Variants in FAM187B observed in about 807,000 individuals in gnomAD.
FAM187B encodes protein FAM187B.
A neutral mutation model predicts 22.6 loss-of-function variants in FAM187B; 22 were observed. The ratio of observed to expected loss-of-function variants is 0.97; its 90% CI spans 0.70 to 1.39. The LOEUF is 1.39. FAM187B is among the 40% of genes most tolerant of loss of function. The pLI, the probability that FAM187B is intolerant of heterozygous loss-of-function variation, is 0.00. For missense variants in FAM187B, 433 were observed against 462.1 expected (o/e 0.94, Z 0.58); for synonymous variants, 192 against 201.8 (o/e 0.95, Z 0.41).
At chr19:35,227,031 G>A (rs770723095) in intron 1 of FAM187B, among the ~76,000 whole-genome samples, 4 of 152,102 alleles carry the variant, frequency 2.6e-5, no homozygotes, top group Admixed American at 6.6e-5. Context: ...TGATGGAGGC[G>A]GGCATTGGAG....
Position 35,228,375 on chromosome 19 carries a change from T to C in FAM187B, c.306A>G (p.Gln102=), listed in dbSNP as rs1263432887. The C allele has an allele frequency of 6.2e-7, 1 of 1,614,104 alleles. No homozygotes were observed. Among genetic ancestry groups the C allele is most frequent in the Admixed American group, 1.7e-5 (1 of 60,008 alleles). The part of the protein sequence containing the change: ...LYHCWNKNGR[Q]VVQYEIDFQD... ...GAAAGTCAATTTCATACTGCACCAC[T>C]TGGCGGCCATTCTTGTTCCAGCAGT... Residue 102 remains glutamine, a synonymous_variant, in exon 1 of 2, where the codon CAA becomes CAG. Transcript: ENST00000324675.
At position 35,228,218 on chromosome 19, in the gene FAM187B, C is replaced by T; in HGVS notation, c.463G>A (p.Glu155Lys). ...AGGCGTTTACACTCGCCCGGCTCCT[C>T]ACAGCGGTTGCAGTCCTGCCAGGGC... ...WEPWQDCNRC[E>K]EPGECKRLGY... The change falls in exon 1 of 2, where the codon GAG becomes AAG. Residue 155 changes from glutamate to lysine, a missense_variant. By Grantham distance (56) the Glu-to-Lys change is moderately conservative. Transcript: ENST00000324675. 1 of 1,614,224 alleles carries T rather than the reference C, an allele frequency of 6.2e-7. No homozygotes were observed. The highest frequency in any genetic ancestry group is 1.1e-5 in the South Asian group (1 of 91,088).
At chr19:35,227,918 G>T in intron 1 of FAM187B, 41 bp downstream of exon 1, 1 of 1,563,914 alleles carries the variant, frequency 6.4e-7, no homozygotes. Context: ...TCCCCTGACC[G>T]GAAGAATCTG....
At chr19:35,225,685 C>T (rs1039687794) in intron 1 of FAM187B, among the ~76,000 whole-genome samples, 14 of 151,954 alleles carry the variant, frequency 9.2e-5, no homozygotes, top group African/African-American at 3.4e-4. Flanking sequence ...TGCTGACATG[C>T]GCCTGTGGTC....
rs774839114 is a variant in FAM187B at position 35,225,208 on chromosome 19, C to T, written c.727G>A (p.Val243Ile). 4.0e-6 allele frequency: 6 copies of T among 1,492,480 alleles called. No individual in the cohort carries two copies. Among genetic ancestry groups the T allele is most frequent in the Non-Finnish European group, 3.6e-6 (4 of 1,119,902 alleles). 92.5% of individuals were successfully genotyped at this position (1,492,480 alleles called of 1,614,324 possible). A position where few individuals can be genotyped will look rare whatever the true frequency, so the allele number is the denominator to read the frequency against. Residue 243 changes from valine (V) to isoleucine (I), a missense_variant, in exon 2 of 2, where the codon GTC becomes ATC. Transcript: ENST00000324675. ...DCPLGSMYRP[V>I]NWRANDTPLT... The stretch of plus-strand genomic sequence containing the variant: ...GGGGTGTCGTTGGCACGCCAGTTGA[C>T]GGGCCTGCGAGGAGGACAAGGTCAG...
chr19:35,227,966 T>C lies in FAM187B; in HGVS notation c.715A>G (p.Met239Val). 6.2e-7 allele frequency: 1 copy of C among 1,607,760 alleles called. No homozygotes were observed. Among genetic ancestry groups the C allele is most frequent in the South Asian group, 1.1e-5 (1 of 89,976 alleles). ...FVWLDCPLGS[M>V]YRPVNWRAND... The stretch of plus-strand genomic sequence containing the variant: ...AGGCAGGGATTCCATCACCTGTACA[T>C]GGATCCTAAGGGACAGTCGAGCCAC... Residue 239 changes from methionine (M) to valine (V), a missense_variant, in exon 1 of 2, where the codon ATG becomes GTG. Met to Val is a conservative substitution (Grantham distance 21, BLOSUM62 1). Transcript: ENST00000324675.
chr19:35,228,730 G>A lies in FAM187B; in HGVS notation c.-50C>T, dbSNP rs548209289. On this transcript the variant is annotated 5_prime_UTR_variant, in exon 1 of 2. Transcript: ENST00000324675. ...GCTGGTGCCACCCCGAACATTGTGAGGTCACCCATGAACTCTGGCCTCAGC... is the reference window on the plus strand; with the variant it reads ...GCTGGTGCCACCCCGAACATTGTGAAGTCACCCATGAACTCTGGCCTCAGC... 113 of 1,552,522 alleles carry A rather than the reference G, an allele frequency of 7.3e-5. 2 individuals are homozygous for A. In the East Asian group the frequency reaches 2.5e-3, roughly 35 times the overall value.
At chr19:35,227,910 C>T in intron 1 of FAM187B, 49 bp downstream of exon 1, 1 of 1,559,828 alleles carries the variant, frequency 6.4e-7, no homozygotes, top group Non-Finnish European at 8.7e-7. Flanking sequence ...AGGAAGGATC[C>T]CCTGACCGGA....
At chr19:35,225,235 T>G in intron 1 of FAM187B, 23 bp from the exon 2 acceptor site, 1 of 1,463,568 alleles carries the variant, frequency 6.8e-7, no homozygotes, top group Non-Finnish European at 9.0e-7. Context: ...CAAGGTCAGG[T>G]GCAGGGCCAG....
chr19:35,225,314 C>T, intron 1 of FAM187B, 102 bp from the exon 2 acceptor site: 1 of 1,362,118 alleles, frequency 7.3e-7, no homozygotes, highest in South Asian at 1.6e-5. Context: ...CCCTCCTCGC[C>T]ACCCCCCACG....
intron 1 of FAM187B, among the ~76,000 whole-genome samples, chr19:35,226,459 T>A (rs2065661919): frequency 6.6e-6 from 1 of 152,066 alleles, no homozygotes; most frequent in African/African-American, 2.4e-5. Context: ...CAAGACCCTG[T>A]CTCTAATAAT....
Position 35,224,967 on chromosome 19 carries a change from AG to A in FAM187B, c.967del (p.Leu323CysfsTer12), listed in dbSNP as rs765712929. 4 of 1,613,618 alleles carry A rather than the reference AG, an allele frequency of 2.5e-6. No homozygotes were observed. The African/African-American group carries it at 5.3e-5, about 22-fold the overall frequency. ...GAGCACGGAGTCCGCCCTGCCCCGC[AG>A]GGCCTTCCTTGCCTCCCGCCACTGG... ...DAQWREARKA[L>X]RGRADSVLKG... On this transcript the variant is annotated frameshift_variant, in exon 2 of 2. Coordinates refer to ENST00000324675, the MANE Select transcript of FAM187B (RefSeq NM_152481.2). LOFTEE classifies it low-confidence loss of function (END_TRUNC).
At chr19:35,226,506 G>A (rs948295832) in intron 1 of FAM187B, among the ~76,000 whole-genome samples, 3 of 152,224 alleles carry the variant, frequency 2.0e-5, no homozygotes, top group East Asian at 1.9e-4. Flanking sequence ...ATATTTATGC[G>A]CCACAAGGGC....
intron 1 of FAM187B, among the ~76,000 whole-genome samples, chr19:35,227,651 G>A (rs912820620): frequency 6.6e-6 from 1 of 152,170 alleles, no homozygotes; most frequent in Admixed American, 6.5e-5. Context: ...AGCCCCGGGG[G>A]CACCAGCCTC....
chr19:35,226,563 A>C (rs2065662289), intron 1 of FAM187B, among the ~76,000 whole-genome samples: 1 of 152,194 alleles, frequency 6.6e-6, no homozygotes, highest in Non-Finnish European at 1.5e-5. Flanking sequence ...AGGTCCCTAG[A>C]ATGGAGCTTG....
At chr19:35,227,696 C>G (rs777753430) in intron 1 of FAM187B, among the ~76,000 whole-genome samples, 1 of 152,218 alleles carries the variant, frequency 6.6e-6, no homozygotes, top group Non-Finnish European at 1.5e-5. Context: ...CCAGATGAAG[C>G]AGGGGCCTGT....
chr19:35,224,998 C>G lies in FAM187B; in HGVS notation c.937G>C (p.Asp313His). ...TTCCTTGCCTCCCGCCACTGGGCAT[C>G]GTTCTCTCTCCACTGAGCCTCCAGC... Reference protein sequence around the residue: ...ETLEAQWRENDAQWREARKAL... With the variant: ...ETLEAQWRENHAQWREARKAL... Residue 313 changes from aspartate to histidine, a missense_variant, in exon 2 of 2, where the codon GAT becomes CAT. By Grantham distance (81) the Asp-to-His change is moderately conservative. Transcript: ENST00000324675. The G allele has an allele frequency of 6.2e-7, 1 of 1,613,882 alleles. No individual in the cohort carries two copies. The highest frequency in any genetic ancestry group is 8.5e-7 in the Non-Finnish European group (1 of 1,179,976).
rs755683380 is a variant in FAM187B, at chr19:35,228,324, TG to T, written c.356del (p.Thr119AsnfsTer93). The T allele has an allele frequency of 6.2e-7, 1 of 1,614,058 alleles. No individual in the cohort carries two copies. ...DFQDVTTLHI[T>X]HKDLGQRPLQ... ...GGGGCCTCTGACCCAGGTCCTTGTGTGTTATATGCAGGGTGGTGACATCCTG... is the reference window on the plus strand; with the variant it reads ...GGGGCCTCTGACCCAGGTCCTTGTGTTTATATGCAGGGTGGTGACATCCTG... On this transcript the variant is annotated frameshift_variant, in exon 1 of 2. Coordinates refer to ENST00000324675, the MANE Select transcript of FAM187B (RefSeq NM_152481.2). LOFTEE classifies it high-confidence loss of function.
rs2065666784 is a variant in FAM187B, at chr19:35,228,026, C to T, written c.655G>A (p.Asp219Asn). 6.2e-7 allele frequency: 1 copy of T among 1,614,188 alleles called. No individual in the cohort carries two copies. ...GTCTTCTCATCGAGCCTGAAGTTGT[C>T]AAAAATGACGTAATCCACCCTTAAC... Reference protein sequence around the residue: ...TQLRVDYVIFDNFRLDEKTEF... With the variant: ...TQLRVDYVIFNNFRLDEKTEF... The change falls in exon 1 of 2, where the codon GAC becomes AAC. Residue 219 changes from aspartate (D) to asparagine (N), a missense_variant. Coordinates refer to ENST00000324675, the MANE Select transcript of FAM187B (RefSeq NM_152481.2).
Sources: allele counts gnomAD v4.1 joint callset (sites outside exome capture counted in the v4.1 genomes callset), GRCh38; gene constraint gnomAD v4.1.1; transcripts MANE v1.5; gene names NCBI Gene and HGNC (gene_info 2026-07-23, HGNC 2026-07-21).